The following KSR2 variants were observed in gnomAD, a reference collection of about 807,000 sequenced individuals.
KSR2 encodes the protein kinase suppressor of ras 2.
In KSR2, 25 loss-of-function variants were observed where a neutral mutation model predicts 107.8. That is an observed-to-expected ratio of 0.23 (90% CI 0.17 to 0.32). The LOEUF (loss-of-function observed/expected upper bound fraction) is 0.32. Ranked by LOEUF, KSR2 falls within the 10% of genes least tolerant of loss-of-function variation. The probability of loss-of-function intolerance (pLI) is 1.00; values close to 1 mark genes in which losing one functional copy is unlikely to be tolerated. For missense variants in KSR2, 887 were observed against 1,268.9 expected, an observed-to-expected ratio of 0.70 and a Z score of 4.57; for synonymous variants, 480 against 507.0, an observed-to-expected ratio of 0.95 and a Z score of 0.71.
In KSR2 at chr12:117,816,574, C is replaced by T. The variant is rs934126210; in HGVS notation, c.472+38854G>A. Among the ~76,000 whole-genome samples the T allele has an allele frequency of 4.6e-5, 7 of 152,284 alleles. No homozygotes were observed. In the East Asian group the frequency reaches 9.6e-4, roughly 21 times the overall value. On this transcript the variant is annotated intron_variant, in intron 3 of 19. Transcript: ENST00000339824. ...TAGAACCCTAGGAAGGCCATGATGG[C>T]TGAGGGCACAGACCCTGGACCCTAG...
intron 1 of KSR2, among the ~76,000 whole-genome samples, chr12:117,872,782 A>G (rs1455468542): frequency 3.3e-5 from 5 of 152,204 alleles, no homozygotes; most frequent in Admixed American, 6.5e-5. Flanking sequence ...CAATAAACAC[A>G]GGGCAGAAAC....
intron 14 of KSR2, among the ~76,000 whole-genome samples, chr12:117,490,605 G>A (rs533284770): frequency 1.4e-4 from 22 of 152,158 alleles, no homozygotes; most frequent in Middle Eastern, 3.4e-3. Context: ...TATGTTGTCC[G>A]GGCTGGTCTC....
intron 3 of KSR2, among the ~76,000 whole-genome samples, chr12:117,833,351 C>A (rs754006796): frequency 7.9e-5 from 12 of 152,032 alleles, no homozygotes; most frequent in Non-Finnish European, 1.6e-4. Flanking sequence ...GACAGGAGTG[C>A]ATTTGGGGGT....
chr12:117,757,708 T>C (rs1346108595), intron 4 of KSR2, among the ~76,000 whole-genome samples: 2 of 152,202 alleles, frequency 1.3e-5, no homozygotes, highest in African/African-American at 4.8e-5. Context: ...CACTGAAGGC[T>C]CAGATGATCA....
intron 3 of KSR2, among the ~76,000 whole-genome samples, chr12:117,789,204 TCTCA>T (rs1890177050): frequency 6.6e-6 from 1 of 152,204 alleles, no homozygotes; most frequent in Non-Finnish European, 1.5e-5. Flanking sequence ...GACCTTTTCT[TCTCA>T]CTCCGTAAAA....
chr12:117,878,642 T>C (rs1359168750), intron 1 of KSR2, among the ~76,000 whole-genome samples: 1 of 152,152 alleles, frequency 6.6e-6, no homozygotes, highest in Non-Finnish European at 1.5e-5. Context: ...CTGGGGCTAC[T>C]GTAAGCAATG....
At chr12:117,778,486 G>A (rs1039056004) in intron 3 of KSR2, among the ~76,000 whole-genome samples, 4 of 152,198 alleles carry the variant, frequency 2.6e-5, no homozygotes, top group African/African-American at 9.6e-5. Flanking sequence ...TTAAGTGGGA[G>A]ACAACTCGCT....
At chr12:117,490,331 C>T (rs11613841) in intron 14 of KSR2, among the ~76,000 whole-genome samples, 54,068 of 152,064 alleles carry the variant, frequency 0.36, 9,811 homozygotes, top group South Asian at 0.49. Flanking sequence ...CCTCAGTTTC[C>T]ATGTCTGTAA....
Position 117,863,794 on chromosome 12 carries a change from C to T in KSR2, c.181-3363G>A, listed in dbSNP as rs543643017. ...CTCCAGGCAAGAATCAGTTTCCTTC[C>T]CTTTTCGGTGATCAGAGGCCGCCCG... is the stretch of plus-strand genomic sequence containing the variant. On this transcript the variant is annotated intron_variant, in intron 1 of 19. Coordinates refer to ENST00000339824, the MANE Select transcript of KSR2 (RefSeq NM_173598.6). Among the ~76,000 whole-genome samples the T allele has an allele frequency of 6.6e-5, 10 of 152,230 alleles. No homozygotes were observed. The East Asian group carries it at 1.9e-3, about 29-fold the overall frequency.
At chr12:117,586,803 C>T (rs1460382431) in intron 5 of KSR2, among the ~76,000 whole-genome samples, 1 of 152,068 alleles carries the variant, frequency 6.6e-6, no homozygotes, top group Non-Finnish European at 1.5e-5. Flanking sequence ...ATCATTAGTG[C>T]CATTTCAACA....
intron 14 of KSR2, among the ~76,000 whole-genome samples, chr12:117,494,242 C>G (rs995221861): frequency 3.3e-5 from 5 of 152,168 alleles, no homozygotes; most frequent in Non-Finnish European, 7.4e-5. Context: ...GTCTCCTTTG[C>G]CACAGTCCTC....
At chr12:117,471,794 T>TA (rs774726153) in intron 17 of KSR2, among the ~76,000 whole-genome samples, 1 of 151,968 alleles carries the variant, frequency 6.6e-6, no homozygotes, top group East Asian at 1.9e-4. Flanking sequence ...TTTGCTGACA[T>TA]AAAAAATGCT....
rs144909977 is a variant in KSR2 at position 117,757,187 on chromosome 12, T to C, written c.986+3824A>G. Among the ~76,000 whole-genome samples the C allele has an allele frequency of 7.2e-3, 1,101 of 152,312 alleles. 14 individuals carry two copies. Among genetic ancestry groups the C allele is most frequent in the African/African-American group, 0.025 (1,030 of 41,568 alleles). ...TGGAAGAAGTTGATTCCAACCCTCA[T>C]GGATGACTTTGAGGCATTCAAGATT... is the stretch of plus-strand genomic sequence containing the variant. On this transcript the variant is annotated intron_variant, in intron 4 of 19. Transcript: ENST00000339824.
chr12:117,766,120 T>C (rs772231346), intron 3 of KSR2, among the ~76,000 whole-genome samples: 1 of 152,204 alleles, frequency 6.6e-6, no homozygotes, highest in African/African-American at 2.4e-5. Flanking sequence ...AGCAGCACTA[T>C]TCACAATTGC....
At chr12:117,490,816 C>T (rs907579304) in intron 14 of KSR2, among the ~76,000 whole-genome samples, 7 of 152,090 alleles carry the variant, frequency 4.6e-5, no homozygotes, top group Admixed American at 2.0e-4. Flanking sequence ...ATGAATTTAA[C>T]GTGTAAAAAT....
At position 117,678,102 on chromosome 12, in the gene KSR2, A is replaced by ATT. The variant is rs35096843; in HGVS notation, c.987-10446_987-10445dup. ...GGCATGTGCCACCAAAGCCCAGCTAATTTTTTTTTTTTTTTTTTTTGTATT... is the reference window on the plus strand; with the variant it reads ...GGCATGTGCCACCAAAGCCCAGCTAATTTTTTTTTTTTTTTTTTTTTTGTATT... On this transcript the variant is annotated intron_variant, in intron 4 of 19. Coordinates refer to ENST00000339824, the MANE Select transcript of KSR2 (RefSeq NM_173598.6). Among the ~76,000 whole-genome samples, 746 of 127,508 alleles carry ATT rather than the reference A, an allele frequency of 5.9e-3. 12 individuals carry two copies. The South Asian group carries it at 0.063, about 11-fold the overall frequency. 83.7% of individuals were successfully genotyped at this position (127,508 alleles called of 152,430 possible).
intron 5 of KSR2, among the ~76,000 whole-genome samples, chr12:117,601,297 G>GGGA (rs1555220698): frequency 3.3e-5 from 1 of 30,690 alleles, no homozygotes; most frequent in African/African-American, 9.4e-5. Flanking sequence ...CAAGATCTTG[G>GGGA]GGGGGGGGGT....
chr12:117,506,470 CCT>C (rs1873685847), intron 14 of KSR2, among the ~76,000 whole-genome samples: 1 of 152,116 alleles, frequency 6.6e-6, no homozygotes, highest in Non-Finnish European at 1.5e-5. Flanking sequence ...AATTTCCATC[CCT>C]GTTTGGTGCA....
intron 1 of KSR2, among the ~76,000 whole-genome samples, chr12:117,942,794 C>T (rs1409517260): frequency 6.6e-6 from 1 of 151,990 alleles, no homozygotes; most frequent in Non-Finnish European, 1.5e-5. Context: ...ACTACCCCAC[C>T]CAGCCTATAT....
Sources: gnomAD v4.1 joint callset for allele counts (sites outside exome capture counted in the v4.1 genomes callset) on GRCh38, gnomAD v4.1.1 for gene constraint, MANE v1.5 for transcripts, NCBI Gene and HGNC (gene_info 2026-07-23, HGNC 2026-07-21) for gene names.